The following NELL1 variants were observed in gnomAD, a reference collection of about 807,000 sequenced individuals.
NELL1 encodes neural EGFL like 1.
In NELL1, 76 loss-of-function variants were observed where a neutral mutation model predicts 107.4. The observed-to-expected ratio is 0.71, with a 90% CI of 0.59 to 0.86. The LOEUF (loss-of-function observed/expected upper bound fraction) is 0.86, where lower values mean the gene tolerates loss of function less well. Among genes scored for constraint, NELL1 ranks in the 40% least tolerant of loss-of-function variants. The pLI, the probability that NELL1 is intolerant of heterozygous loss-of-function variation, is 0.00. For missense variants in NELL1, 1,024 were observed against 1,005.5 expected (o/e 1.02, Z -0.25); for synonymous variants, 353 against 341.2 (o/e 1.03, Z -0.38).
chr11:21,201,661 A>G (rs970916660), intron 13 of NELL1, among the ~76,000 whole-genome samples: 2 of 152,050 alleles, frequency 1.3e-5, no homozygotes, highest in Non-Finnish European at 2.9e-5. Flanking sequence ...TTCCAATACT[A>G]TGTCGAATAG....
chr11:21,252,957 T>G (rs1276573524), intron 14 of NELL1, among the ~76,000 whole-genome samples: 1 of 152,158 alleles, frequency 6.6e-6, no homozygotes, highest in Non-Finnish European at 1.5e-5. Context: ...CAACTGCTAA[T>G]AGTTGAGGTA....
intron 12 of NELL1, among the ~76,000 whole-genome samples, chr11:20,974,408 A>G (rs1851562930): frequency 6.6e-6 from 1 of 152,192 alleles, no homozygotes; most frequent in Admixed American, 6.5e-5. Flanking sequence ...GGCCCGTCTG[A>G]CATCAGAAAT....
chr11:21,045,475 T>C (rs972696519), intron 12 of NELL1, among the ~76,000 whole-genome samples: 1 of 152,196 alleles, frequency 6.6e-6, no homozygotes, highest in African/African-American at 2.4e-5. Context: ...AAGAGTTTCA[T>C]GTTCAAATAC....
chr11:21,190,762 CA>C (rs1179812689), intron 13 of NELL1, among the ~76,000 whole-genome samples: 2 of 151,828 alleles, frequency 1.3e-5, no homozygotes, highest in Non-Finnish European at 2.9e-5. Flanking sequence ...CTTGATATTG[CA>C]AAAAGTGCAA....
intron 15 of NELL1, among the ~76,000 whole-genome samples, chr11:21,388,325 T>C (rs1326441723): frequency 6.6e-6 from 1 of 151,834 alleles, no homozygotes; most frequent in Non-Finnish European, 1.5e-5. Context: ...CTTCTCAATC[T>C]GTATCTCCCA....
In NELL1 at chr11:21,560,400, C is replaced by A; in HGVS notation, c.1980+18C>A. On this transcript the variant is annotated intron_variant, in intron 17 of 19. Coordinates refer to ENST00000357134, the MANE Select transcript of NELL1 (RefSeq NM_006157.5). ...CCTGCAAGGTGAGGCTGATGTGGTG[C>A]AGCAGAAATTGAAACTGTTCTTTCT... is the stretch of plus-strand genomic sequence containing the variant. The A allele has an allele frequency of 6.5e-7, 1 of 1,539,192 alleles. No individual in the cohort carries two copies. Among genetic ancestry groups the A allele is most frequent in the Non-Finnish European group, 8.7e-7 (1 of 1,145,988 alleles).
chr11:21,379,789 T>C (rs551104171), intron 15 of NELL1, among the ~76,000 whole-genome samples: 52 of 152,210 alleles, frequency 3.4e-4, no homozygotes, highest in African/African-American at 1.1e-3. Flanking sequence ...CTGAAGTATA[T>C]TGTCAATTTA....
intron 12 of NELL1, 98 bp from the exon 13 acceptor site, chr11:21,113,491 T>A: frequency 4.8e-6 from 6 of 1,260,916 alleles, no homozygotes; most frequent in Non-Finnish European, 6.6e-6. Flanking sequence ...TCTCTTGGCT[T>A]CTATGGACAT....
chr11:21,021,201 G>C (rs1271725696), intron 12 of NELL1, among the ~76,000 whole-genome samples: 2 of 149,852 alleles, frequency 1.3e-5, no homozygotes, highest in East Asian at 4.0e-4. Context: ...TACATATTCA[G>C]TCTTACAGCC....
At chr11:21,421,525 T>C (rs1335421370) in intron 15 of NELL1, among the ~76,000 whole-genome samples, 1 of 152,102 alleles carries the variant, frequency 6.6e-6, no homozygotes, top group African/African-American at 2.4e-5. Flanking sequence ...TCGCTGCTTC[T>C]GATTTTGCAG....
chr11:21,339,432 A>T (rs1417117708), intron 14 of NELL1, among the ~76,000 whole-genome samples: 1 of 152,230 alleles, frequency 6.6e-6, no homozygotes, highest in Non-Finnish European at 1.5e-5. Flanking sequence ...TTCAGCCTAT[A>T]GAACTGTGAG....
intron 15 of NELL1, among the ~76,000 whole-genome samples, chr11:21,431,567 T>C (rs541344470): frequency 6.6e-5 from 10 of 152,306 alleles, no homozygotes; most frequent in Admixed American, 5.9e-4. Context: ...AATTTTGACA[T>C]TGTATGTAGA....
chr11:20,945,734 T>C (rs1232366202), intron 10 of NELL1, among the ~76,000 whole-genome samples: 4 of 152,308 alleles, frequency 2.6e-5, no homozygotes, highest in African/African-American at 9.6e-5. Flanking sequence ...TTGTAGAAAG[T>C]AAGGCACATC....
intron 14 of NELL1, among the ~76,000 whole-genome samples, chr11:21,287,646 T>C (rs1366548794): frequency 1.3e-5 from 2 of 152,168 alleles, no homozygotes; most frequent in African/African-American, 4.8e-5. Context: ...GTATACAGTC[T>C]TGGTTCCTTT....
intron 13 of NELL1, among the ~76,000 whole-genome samples, chr11:21,171,075 C>A (rs892417128): frequency 6.6e-6 from 1 of 151,798 alleles, no homozygotes; most frequent in South Asian, 2.1e-4. Flanking sequence ...ACGTACATAT[C>A]CAGCCTTTGC....
intron 15 of NELL1, among the ~76,000 whole-genome samples, chr11:21,488,506 T>C (rs1312116258): frequency 6.6e-6 from 1 of 152,050 alleles, no homozygotes; most frequent in Non-Finnish European, 1.5e-5. Context: ...AGGGTATGGT[T>C]ACTAGTGGAG....
chr11:21,385,076 C>A (rs1230348017), intron 15 of NELL1, among the ~76,000 whole-genome samples: 1 of 151,906 alleles, frequency 6.6e-6, no homozygotes, highest in Admixed American at 6.6e-5. Flanking sequence ...AGCATTACCT[C>A]CTCAGACAGG....
rs1271454050 is a variant in NELL1 at position 21,524,000 on chromosome 11, G to C, written c.1646-10374G>C. Among the ~76,000 whole-genome samples, 3 of 151,968 alleles carry C rather than the reference G, an allele frequency of 2.0e-5. No individual in the cohort carries two copies. The East Asian group carries it at 5.8e-4, about 29-fold the overall frequency. The stretch of plus-strand genomic sequence containing the variant: ...AATTAAATCCCTGCTACTATACCTT[G>C]GTTGGTAGCAGAAATCTGTTCACTA... On this transcript the variant is annotated intron_variant, in intron 15 of 19. Transcript: ENST00000357134.
intron 13 of NELL1, among the ~76,000 whole-genome samples, chr11:21,134,387 T>C (rs1461605915): frequency 6.6e-6 from 1 of 152,174 alleles, no homozygotes; most frequent in East Asian, 1.9e-4. Flanking sequence ...AGTCAAAGCA[T>C]AGAGGAAGAA....
Sources: allele counts gnomAD v4.1 joint callset (sites outside exome capture counted in the v4.1 genomes callset), GRCh38; gene constraint gnomAD v4.1.1; transcripts MANE v1.5; gene names NCBI Gene and HGNC (gene_info 2026-07-23, HGNC 2026-07-21).